Variants in GPHN observed in about 807,000 individuals in gnomAD.
GPHN encodes gephyrin.
A neutral mutation model predicts 95.5 loss-of-function variants in GPHN; 17 were observed. The observed-to-expected ratio is 0.18, with a 90% CI of 0.12 to 0.27. GPHN has a LOEUF of 0.27. Ranked by LOEUF, GPHN falls within the 10% of genes least tolerant of loss-of-function variation. GPHN has a pLI of 1.00. For synonymous variants in GPHN, 320 were observed against 322.5 expected (o/e 0.99, Z 0.08); for missense variants, 660 against 978.1 (o/e 0.67, Z 4.34).
In GPHN at chr14:66,508,168, T is replaced by G; in HGVS notation, c.-360T>G. On this transcript the variant is annotated 5_prime_UTR_variant, in exon 1 of 23. Transcript: ENST00000478722. ...CTATCCTTTCCTCTCAGTCCTGCCA[T>G]CTAGCTGCCTTGGGTCTCGCGCTCC... 1 of 469,398 alleles carries G rather than the reference T, an allele frequency of 2.1e-6. No individual in the cohort carries two copies. The highest frequency in any genetic ancestry group is 3.9e-6 in the Non-Finnish European group (1 of 254,374). The allele number at this position is 469,398 out of a possible 1,614,324, so 29.1% of individuals were successfully genotyped here. A position where few individuals can be genotyped will look rare whatever the true frequency, so the allele number is the denominator to read the frequency against.
At chr14:66,838,173 G>C (rs771095731) in intron 4 of GPHN, among the ~76,000 whole-genome samples, 3 of 152,082 alleles carry the variant, frequency 2.0e-5, no homozygotes, top group Non-Finnish European at 4.4e-5. Context: ...TTAAAAACCT[G>C]TTTTCTTATG....
chr14:67,384,212 G>GT, the GPHN span: 1 of 152,080 alleles, frequency 6.6e-6, no homozygotes, highest in African/African-American at 2.4e-5. Flanking sequence ...GGGTGGTAAA[G>GT]TATGTTTTTA....
At chr14:67,387,405 T>C in the GPHN span, 1 of 1,610,828 alleles carries the variant, frequency 6.2e-7, no homozygotes, top group Non-Finnish European at 8.5e-7. Flanking sequence ...ATAGTGTGTG[T>C]CATCCTTAGT....
intron 2 of GPHN, among the ~76,000 whole-genome samples, chr14:66,691,287 C>T (rs902358341): frequency 3.3e-5 from 5 of 152,032 alleles, no homozygotes; most frequent in Non-Finnish European, 4.4e-5. Flanking sequence ...TGGGTTCAAG[C>T]GATTCTCCTG....
the GPHN span, chr14:67,225,058 C>G: frequency 1.4e-6 from 2 of 1,412,806 alleles, no homozygotes; most frequent in Non-Finnish European, 1.9e-6. Flanking sequence ...TTTTCTTTCT[C>G]ACTTCCTCTC....
chr14:67,676,012 G>A, the GPHN span, among the ~76,000 whole-genome samples: 29 of 152,244 alleles, frequency 1.9e-4, 1 homozygote, highest in South Asian at 1.9e-3. Context: ...CAGGAGAATC[G>A]CCTGAACCCG....
chr14:66,892,508 A>G (rs922636478), intron 5 of GPHN, among the ~76,000 whole-genome samples: 2 of 152,242 alleles, frequency 1.3e-5, no homozygotes, highest in Non-Finnish European at 2.9e-5. Flanking sequence ...AGTTGGAAGC[A>G]ACCCAGATGT....
chr14:66,736,835 A>G (rs2072334602), intron 2 of GPHN, among the ~76,000 whole-genome samples: 1 of 152,144 alleles, frequency 6.6e-6, no homozygotes, highest in African/African-American at 2.4e-5. Flanking sequence ...GTTTTGAATT[A>G]TCTCAACCAT....
chr14:67,647,092 AG>A, the GPHN span: 37 of 1,016,800 alleles, frequency 3.6e-5, no homozygotes, highest in African/African-American at 5.9e-4. Flanking sequence ...CTGTTTCTTG[AG>A]GACAGCAGCT....
At chr14:67,055,358 CAAT>C (rs1043424846) in intron 10 of GPHN, among the ~76,000 whole-genome samples, 2 of 152,144 alleles carry the variant, frequency 1.3e-5, no homozygotes, top group Non-Finnish European at 2.9e-5. Context: ...ATCAAAAACA[CAAT>C]GAGATACCAT....
At chr14:66,996,847 T>C (rs150339611) in intron 9 of GPHN, among the ~76,000 whole-genome samples, 1 of 152,294 alleles carries the variant, frequency 6.6e-6, no homozygotes, top group African/African-American at 2.4e-5. Flanking sequence ...TAGTAAAATA[T>C]TTTACATGAA....
At chr14:67,612,653 T>C in the GPHN span, among the ~76,000 whole-genome samples, 4 of 152,014 alleles carry the variant, frequency 2.6e-5, no homozygotes, top group Non-Finnish European at 5.9e-5. Flanking sequence ...TTTAAGAAAA[T>C]AGGCTGGGTG....
At chr14:66,886,263 C>T (rs2064183547) in intron 5 of GPHN, among the ~76,000 whole-genome samples, 1 of 152,086 alleles carries the variant, frequency 6.6e-6, no homozygotes, top group African/African-American at 2.4e-5. Flanking sequence ...AGGAAGTGGC[C>T]ACTATTAACA....
At chr14:66,660,356 G>A (rs1387357860) in intron 1 of GPHN, among the ~76,000 whole-genome samples, 3 of 152,148 alleles carry the variant, frequency 2.0e-5, no homozygotes, top group Non-Finnish European at 4.4e-5. Flanking sequence ...AGCCCAAGAT[G>A]AGAATTTTGT....
At chr14:67,537,180 AC>A in the GPHN span, among the ~76,000 whole-genome samples, 1 of 143,568 alleles carries the variant, frequency 7.0e-6, no homozygotes, top group African/African-American at 2.7e-5. Flanking sequence ...CCCTGTCTTT[AC>A]AAAAAATACA....
the GPHN span, among the ~76,000 whole-genome samples, chr14:67,299,117 T>C: frequency 4.6e-5 from 7 of 152,348 alleles, no homozygotes; most frequent in Non-Finnish European, 7.4e-5. Flanking sequence ...AGGTAGGTAA[T>C]GGTATCTTGT....
chr14:66,517,048 A>T (rs1208088074), intron 1 of GPHN, among the ~76,000 whole-genome samples: 3 of 149,396 alleles, frequency 2.0e-5, no homozygotes, highest in Non-Finnish European at 4.4e-5. Flanking sequence ...GAATCACTTG[A>T]ACCCCTGAGG....
the GPHN span, among the ~76,000 whole-genome samples, chr14:67,402,236 A>G: frequency 6.6e-6 from 1 of 152,244 alleles, no homozygotes; most frequent in African/African-American, 2.4e-5. Flanking sequence ...GTTTCTGTCA[A>G]TTCCATGCAT....
intron 1 of GPHN, among the ~76,000 whole-genome samples, chr14:66,667,784 A>G (rs2066054906): frequency 6.6e-6 from 1 of 152,252 alleles, no homozygotes; most frequent in African/African-American, 2.4e-5. Context: ...AATTACAGTC[A>G]AACCAAAAAT....
Sources: allele counts gnomAD v4.1 joint callset (sites outside exome capture counted in the v4.1 genomes callset), GRCh38; gene constraint gnomAD v4.1.1; transcripts MANE v1.5; gene names NCBI Gene and HGNC (gene_info 2026-07-23, HGNC 2026-07-21).